The following RTN4 variants were observed in gnomAD, a reference collection of about 807,000 sequenced individuals.
The protein encoded by RTN4 is reticulon-4.
Under a neutral mutation model 90.4 loss-of-function variants are expected in RTN4, and 32 were observed. The observed-to-expected ratio is 0.35, with a 90% CI of 0.27 to 0.48. The LOEUF is 0.48. RTN4 is among the 20% of genes least tolerant of loss of function. The probability of loss-of-function intolerance (pLI) is 0.99; values close to 1 mark genes in which losing one functional copy is unlikely to be tolerated. For missense variants in RTN4, 1,706 were observed against 1,430.2 expected (o/e 1.19, Z -3.11); for synonymous variants, 629 against 552.5 (o/e 1.14, Z -1.94).
At chr2:55,073,605 C>T (rs1024220684) in intron 2 of RTN4, among the ~76,000 whole-genome samples, 2 of 152,172 alleles carry the variant, frequency 1.3e-5, no homozygotes, top group African/African-American at 4.8e-5. Context: ...AGATACACTA[C>T]TATGTCAATG....
upstream of RTN4, among the ~76,000 whole-genome samples, chr2:55,052,207 T>C (rs1037531735): frequency 6.6e-5 from 10 of 152,300 alleles, no homozygotes; most frequent in African/African-American, 2.4e-4. Context: ...ATGTAGACTA[T>C]TGACTTTAGT....
intron 1 of RTN4, among the ~76,000 whole-genome samples, chr2:55,093,300 T>C (rs1340208983): frequency 1.3e-5 from 2 of 152,074 alleles, no homozygotes; most frequent in African/African-American, 4.8e-5. Context: ...GAACTCTAAA[T>C]GGCTAAATGC....
chr2:55,063,410 C>T (rs977412743), intron 2 of RTN4, among the ~76,000 whole-genome samples: 3 of 151,914 alleles, frequency 2.0e-5, no homozygotes, highest in Non-Finnish European at 4.4e-5. Flanking sequence ...GCTTGCTTGG[C>T]ATGTTCACAG....
chr2:55,119,705 T>C, the RTN4 span, among the ~76,000 whole-genome samples: 2 of 152,126 alleles, frequency 1.3e-5, no homozygotes, highest in African/African-American at 4.8e-5. Context: ...AAGTCAATAG[T>C]TCCCCAGGGA....
At chr2:55,001,209 C>G (rs868653732) in intron 3 of RTN4, among the ~76,000 whole-genome samples, 9 of 152,052 alleles carry the variant, frequency 5.9e-5, no homozygotes, top group Non-Finnish European at 1.2e-4. Context: ...ATTAAAAAAC[C>G]AATCCTACAC....
intron 1 of RTN4, among the ~76,000 whole-genome samples, chr2:55,094,726 C>A (rs529736277): frequency 2.0e-5 from 3 of 152,216 alleles, no homozygotes; most frequent in Non-Finnish European, 2.9e-5. Flanking sequence ...GACTAGGAGA[C>A]AATCTGGTGG....
At chr2:54,998,345 G>A (rs539654862) in intron 3 of RTN4, among the ~76,000 whole-genome samples, 37 of 152,224 alleles carry the variant, frequency 2.4e-4, no homozygotes, top group African/African-American at 8.9e-4. Context: ...GAACATGTAT[G>A]TCTTACTACC....
intron 1 of RTN4, among the ~76,000 whole-genome samples, chr2:55,040,582 C>T (rs767381787): frequency 3.3e-5 from 5 of 152,250 alleles, no homozygotes; most frequent in Admixed American, 6.5e-5. Context: ...GACCTGGAAT[C>T]CTTAAGTAAG....
chr2:54,976,558 T>C (rs573585103), intron 5 of RTN4, among the ~76,000 whole-genome samples: 3 of 152,312 alleles, frequency 2.0e-5, no homozygotes, highest in African/African-American at 4.8e-5. Flanking sequence ...TGTACACTTT[T>C]GTGTGCTATC....
rs1681775477 is a variant in RTN4, at chr2:55,025,545, G to T, written c.2554C>A (p.Gln852Lys). The change falls in exon 3 of 9, where the codon CAG (glutamine) becomes AAG (lysine). Residue 852 changes from glutamine to lysine, a missense_variant. By Grantham distance (53) the Gln-to-Lys change is moderately conservative. Coordinates refer to ENST00000337526, the MANE Select transcript of RTN4 (RefSeq NM_020532.5). ...NDDLFISKEA[Q>K]IRETETFSDS... Reference sequence around the variant, plus strand: ...GAAAACGTTTCAGTTTCTCTTATCTGTGCTTCCTTAGAAATAAATAAGTCA... The same window carrying T: ...GAAAACGTTTCAGTTTCTCTTATCTTTGCTTCCTTAGAAATAAATAAGTCA... The T allele has an allele frequency of 6.2e-7, 1 of 1,613,508 alleles. No individual in the cohort carries two copies. Among genetic ancestry groups the T allele is most frequent in the Admixed American group, 1.7e-5 (1 of 59,888 alleles).
chr2:55,004,815 TAGAA>T (rs928242249), intron 3 of RTN4, among the ~76,000 whole-genome samples: 2 of 151,722 alleles, frequency 1.3e-5, no homozygotes, highest in African/African-American at 2.4e-5. Context: ...ATAATTGTAA[TAGAA>T]AGTACAAAAT....
intron 1 of RTN4, among the ~76,000 whole-genome samples, chr2:55,029,234 A>T (rs962544065): frequency 6.6e-6 from 1 of 152,152 alleles, no homozygotes; most frequent in Non-Finnish European, 1.5e-5. Context: ...CCTTGCCAGC[A>T]CCTTGATCTT....
intron 3 of RTN4, among the ~76,000 whole-genome samples, chr2:55,005,847 T>C (rs1455609869): frequency 6.6e-6 from 1 of 152,192 alleles, no homozygotes; most frequent in African/African-American, 2.4e-5. Flanking sequence ...TTTTACATAA[T>C]TCTGTGCATG....
intron 1 of RTN4, among the ~76,000 whole-genome samples, chr2:55,090,020 T>C (rs1265005386): frequency 6.6e-6 from 1 of 152,244 alleles, no homozygotes; most frequent in African/African-American, 2.4e-5. Context: ...TTACTTTTCA[T>C]GAAGAACACA....
In RTN4 at chr2:54,972,623, T is replaced by TTATATTGGCAATTA. The variant is rs1431203552; in HGVS notation, c.*519_*532dup. 6.5e-6 allele frequency: 1 copy of TTATATTGGCAATTA among 152,674 alleles called. No homozygotes were observed. Among genetic ancestry groups the TTATATTGGCAATTA allele is most frequent in the African/African-American group, 2.4e-5 (1 of 41,460 alleles). 9.5% of individuals were successfully genotyped at this position (152,674 alleles called of 1,614,324 possible). ...CTATACATATATAATCTATATTTAC[T>TTATATTGGCAATTA]TATATTGGCAATTAATATAACAGTA... On this transcript the variant is annotated 3_prime_UTR_variant, in exon 9 of 9. Coordinates refer to ENST00000337526, the MANE Select transcript of RTN4 (RefSeq NM_020532.5).
rs80135317 is a variant in RTN4 at position 55,019,306 on chromosome 2, G to T, written c.3013+5780C>A. Among the ~76,000 whole-genome samples the T allele has an allele frequency of 3.8e-3, 584 of 152,248 alleles. 28 individuals are homozygous for T. In the East Asian group the frequency reaches 0.11, roughly 28 times the overall value. On this transcript the variant is annotated intron_variant, in intron 3 of 8. Transcript: ENST00000337526. ...TTTTCAACTCTCATGGTAAAGACTG[G>T]ATCAAGCAAGAATCATCAATGGTTT...
At chr2:55,019,960 A>T (rs1681307215) in intron 3 of RTN4, among the ~76,000 whole-genome samples, 1 of 151,374 alleles carries the variant, frequency 6.6e-6, no homozygotes, top group Non-Finnish European at 1.5e-5. Flanking sequence ...GCAATAGCTT[A>T]AAAAAAAATA....
rs79526523 is a variant in RTN4 at position 55,043,016 on chromosome 2, T to C, written c.556+6729A>G. ...TCATTCCAAGAAACATAAATATCAA[T>C]AGCTTAAATATGAAATTATCAACTC... On this transcript the variant is annotated intron_variant, in intron 1 of 8. Coordinates refer to ENST00000337526, the MANE Select transcript of RTN4 (RefSeq NM_020532.5). Among the ~76,000 whole-genome samples the C allele has an allele frequency of 1.1e-3, 163 of 152,278 alleles. 2 individuals are homozygous for C. Among genetic ancestry groups the C allele is most frequent in the African/African-American group, 3.8e-3 (156 of 41,552 alleles).
intron 2 of RTN4, among the ~76,000 whole-genome samples, chr2:55,056,767 C>A (rs532298540): frequency 3.6e-4 from 54 of 152,086 alleles, no homozygotes; most frequent in African/African-American, 1.3e-3. Context: ...AAATAAGTTC[C>A]CAATATAGTG....
Sources: gnomAD v4.1 joint callset for allele counts (sites outside exome capture counted in the v4.1 genomes callset) on GRCh38, gnomAD v4.1.1 for gene constraint, MANE v1.5 for transcripts, NCBI Gene and HGNC (gene_info 2026-07-23, HGNC 2026-07-21) for gene names.